AFG3L2: variants seen among roughly 807,000 people sequenced by gnomAD.
AFG3L2 encodes the protein mitochondrial inner membrane m-AAA protease component AFG3L2.
Under a neutral mutation model 94.5 loss-of-function variants are expected in AFG3L2, and 54 were observed. The ratio of observed to expected loss-of-function variants is 0.57; its 90% CI spans 0.46 to 0.72. The LOEUF (loss-of-function observed/expected upper bound fraction) is 0.72. Ranked by LOEUF, AFG3L2 falls within the 30% of genes least tolerant of loss-of-function variation. The pLI, the probability that AFG3L2 is intolerant of heterozygous loss-of-function variation, is 0.00. For synonymous variants in AFG3L2, 377 were observed against 365.5 expected, an observed-to-expected ratio of 1.03 and a Z score of -0.36; for missense variants, 754 against 994.9, an observed-to-expected ratio of 0.76 and a Z score of 3.26.
At chr18:12,346,903 CAAAAAAAAAAAA>C (rs35013811) in intron 13 of AFG3L2, among the ~76,000 whole-genome samples, 1 of 36,832 alleles carries the variant, frequency 2.7e-5, no homozygotes, top group Non-Finnish European at 4.7e-5. Flanking sequence ...GACTCCATCT[CAAAAAAAAAAAA>C]AAAAAAAAAA....
chr18:12,346,596 C>CA (rs1377957505), intron 13 of AFG3L2, among the ~76,000 whole-genome samples: 2 of 152,130 alleles, frequency 1.3e-5, no homozygotes, highest in Non-Finnish European at 2.9e-5. Context: ...AAGCCAGATT[C>CA]ATTCTCCTAA....
At chr18:12,371,465 A>G (rs1908988001) in intron 2 of AFG3L2, 127 bp downstream of exon 2, 3 of 767,048 alleles carry the variant, frequency 3.9e-6, no homozygotes, top group Non-Finnish European at 6.8e-6. Flanking sequence ...AATGTGTTAC[A>G]TTTGAAGATG....
At position 12,348,142 on chromosome 18, in the gene AFG3L2, A is replaced by G. The variant is rs1908204848; in HGVS notation, c.1663+131T>C. 6 of 763,032 alleles carry G rather than the reference A, an allele frequency of 7.9e-6. No homozygotes were observed. The South Asian group carries it at 8.9e-5, about 11-fold the overall frequency. 47.3% of individuals were successfully genotyped at this position (763,032 alleles called of 1,614,324 possible). A position where few individuals can be genotyped will look rare whatever the true frequency, so the allele number is the denominator to read the frequency against. Reference sequence around the variant, plus strand: ...GGAGGGGCCATGACACCAAGAGAGCACAAATGTGGTGGGCCCCAGGGCTGA... The same window carrying G: ...GGAGGGGCCATGACACCAAGAGAGCGCAAATGTGGTGGGCCCCAGGGCTGA... On this transcript the variant is annotated intron_variant, in intron 13 of 16. Coordinates refer to ENST00000269143, the MANE Select transcript of AFG3L2 (RefSeq NM_006796.3).
Position 12,371,699 on chromosome 18 carries a change from A to T in AFG3L2, c.115-8T>A, listed in dbSNP as rs1908997047. ...TGTAACAAATCGGTAAAGCTGCAACAAGACATAAAAATAAAACCATAGTTA... is the reference window on the plus strand; with the variant it reads ...TGTAACAAATCGGTAAAGCTGCAACTAGACATAAAAATAAAACCATAGTTA... On this transcript the variant is annotated splice_region_variant and splice_polypyrimidine_tract_variant and intron_variant, in intron 1 of 16. Transcript: ENST00000269143. 2 of 1,611,000 alleles carry T rather than the reference A, an allele frequency of 1.2e-6. No homozygotes were observed. The highest frequency in any genetic ancestry group is 1.7e-6 in the Non-Finnish European group (2 of 1,177,590).
intron 3 of AFG3L2, among the ~76,000 whole-genome samples, chr18:12,370,469 T>A (rs1446083676): frequency 7.5e-6 from 1 of 134,180 alleles, no homozygotes; most frequent in Non-Finnish European, 1.5e-5. Context: ...CTTTCTTTTT[T>A]TTTTTTTTTT....
chr18:12,343,965 T>C, intron 14 of AFG3L2, 167 bp downstream of exon 14: 2 of 652,474 alleles, frequency 3.1e-6, no homozygotes, highest in Admixed American at 2.6e-5. Context: ...ATTTTATATT[T>C]ATCTATGGGA....
chr18:12,348,183 T>C (rs2143155316), intron 13 of AFG3L2, 90 bp downstream of exon 13: 1 of 1,127,188 alleles, frequency 8.9e-7, no homozygotes, highest in Non-Finnish European at 1.3e-6. Flanking sequence ...TACACTTTCT[T>C]TGCTTCTAGT....
chr18:12,356,760 A>T lies in AFG3L2; in HGVS notation c.1098T>A (p.Asn366Lys). 4 of 1,614,264 alleles carry T rather than the reference A, an allele frequency of 2.5e-6. No homozygotes were observed. The highest frequency in any genetic ancestry group is 3.4e-6 in the Non-Finnish European group (4 of 1,180,048). ...ATCCACTAACGGTGATGAAGGGGAC[A>T]TTGGCTTCTCCGGCTGTGGCCTTAG... ...LLAKATAGEA[N>K]VPFITVSGSE... Residue 366 changes from asparagine to lysine, a missense_variant, in exon 9 of 17, where the codon AAT (asparagine) becomes AAA (lysine). Asn to Lys is a moderately conservative substitution (Grantham distance 94). Around this residue, in one of 4 missense-constraint regions of AFG3L2, gnomAD observed 109 missense variants for 227.1 expected, o/e 0.48. Transcript: ENST00000269143.
intron 13 of AFG3L2, among the ~76,000 whole-genome samples, chr18:12,345,924 TCCCCGGCAAA>T (rs1423625677): frequency 1.3e-5 from 2 of 152,216 alleles, no homozygotes; most frequent in Non-Finnish European, 2.9e-5. Flanking sequence ...TGGGCACCTA[TCCCCGGCAAA>T]CCACATTGCT....
intron 11 of AFG3L2, 29 bp downstream of exon 11, chr18:12,351,277 T>C: frequency 1.9e-6 from 3 of 1,614,128 alleles, no homozygotes; most frequent in Non-Finnish European, 2.5e-6. Flanking sequence ...TCATGAGCAC[T>C]GGACCTGCCC....
chr18:12,365,798 A>G (rs1391629135), intron 5 of AFG3L2, among the ~76,000 whole-genome samples: 1 of 152,082 alleles, frequency 6.6e-6, no homozygotes, highest in African/African-American at 2.4e-5. Context: ...CCCAAGTATT[A>G]AGAGGTTAAG....
At chr18:12,364,320 G>A (rs962989675) in intron 5 of AFG3L2, among the ~76,000 whole-genome samples, 1 of 152,136 alleles carries the variant, frequency 6.6e-6, no homozygotes, top group Non-Finnish European at 1.5e-5. Context: ...CAGACAGCTA[G>A]CCTGTTACAC....
At chr18:12,353,343 C>T (rs1241262449) in intron 9 of AFG3L2, among the ~76,000 whole-genome samples, 185 bp from the exon 10 acceptor site, 2 of 151,824 alleles carry the variant, frequency 1.3e-5, no homozygotes, top group African/African-American at 4.8e-5. Context: ...GGAGAAACCC[C>T]ATCTCTACTA....
chr18:12,354,534 T>C (rs1473406070), intron 9 of AFG3L2, among the ~76,000 whole-genome samples: 2 of 152,200 alleles, frequency 1.3e-5, no homozygotes, highest in Non-Finnish European at 2.9e-5. Flanking sequence ...AGGCATGATG[T>C]CCTCAGTGAT....
At chr18:12,357,210 C>A (rs1407259062) in intron 8 of AFG3L2, among the ~76,000 whole-genome samples, 2 of 152,138 alleles carry the variant, frequency 1.3e-5, no homozygotes, top group African/African-American at 2.4e-5. Context: ...TTATGTAATT[C>A]TTTTACTCTT....
At chr18:12,366,751 G>A (rs1045120900) in intron 5 of AFG3L2, among the ~76,000 whole-genome samples, 3 of 152,238 alleles carry the variant, frequency 2.0e-5, no homozygotes, top group Non-Finnish European at 4.4e-5. Context: ...CTGGGAGGTA[G>A]TGAAATAAAA....
chr18:12,354,605 T>C (rs1277687629), intron 9 of AFG3L2, among the ~76,000 whole-genome samples: 1 of 152,180 alleles, frequency 6.6e-6, no homozygotes, highest in Non-Finnish European at 1.5e-5. Flanking sequence ...CACCTTTTAC[T>C]TCACTCTGAC....
intron 9 of AFG3L2, 45 bp from the exon 10 acceptor site, chr18:12,353,203 G>A (rs1908377406): frequency 6.3e-7 from 1 of 1,596,238 alleles, no homozygotes; most frequent in Non-Finnish European, 8.6e-7. Context: ...AGAATATTAT[G>A]TATTCTCTGA....
intron 16 of AFG3L2, among the ~76,000 whole-genome samples, chr18:12,330,326 AAAAC>A (rs1357780611): frequency 2.3e-5 from 2 of 88,000 alleles, no homozygotes; most frequent in Admixed American, 1.1e-4. Flanking sequence ...ACTCCTTCTC[AAAAC>A]AAACAAACAA....
Sources: gnomAD v4.1 joint callset for allele counts (sites outside exome capture counted in the v4.1 genomes callset) on GRCh38, gnomAD v4.1.1 for gene constraint, gnomAD v4.1.1 regional missense constraint, MANE v1.5 for transcripts, NCBI Gene and HGNC (gene_info 2026-07-23, HGNC 2026-07-21) for gene names.